Variants in RBFOX1 observed in about 807,000 individuals in gnomAD.
RBFOX1 encodes RNA binding protein fox-1 homolog 1.
Under a neutral mutation model 57.7 loss-of-function variants are expected in RBFOX1, and 8 were observed. That is an observed-to-expected ratio of 0.14 (90% CI 0.08 to 0.25). The LOEUF is 0.25. RBFOX1 is among the 10% of genes least tolerant of loss of function. The pLI is 1.00. For synonymous variants in RBFOX1, 326 were observed against 222.4 expected (o/e 1.47, Z -4.15); for missense variants, 611 against 548.5 (o/e 1.11, Z -1.14).
At chr16:5,881,326 C>T (rs1225454958) in intron 4 of RBFOX1, among the ~76,000 whole-genome samples, 1 of 152,288 alleles carries the variant, frequency 6.6e-6, no homozygotes, top group African/African-American at 2.4e-5. Context: ...GGCATCTCTG[C>T]CCAGTGCCTG....
At chr16:7,084,890 C>CCGTT (rs2059751986) in intron 4 of RBFOX1, among the ~76,000 whole-genome samples, 1 of 152,058 alleles carries the variant, frequency 6.6e-6, no homozygotes, top group African/African-American at 2.4e-5. Flanking sequence ...TATCTTCTAT[C>CCGTT]CGTTTGTCCA....
At chr16:5,424,091 C>T (rs2067438849) in intron 1 of RBFOX1, among the ~76,000 whole-genome samples, 2 of 152,124 alleles carry the variant, frequency 1.3e-5, no homozygotes, top group Non-Finnish European at 2.9e-5. Flanking sequence ...TTTGTTTATC[C>T]CCACTATGTG....
chr16:7,189,556 C>G (rs1056812860), intron 4 of RBFOX1, among the ~76,000 whole-genome samples: 1 of 120,462 alleles, frequency 8.3e-6, no homozygotes, highest in Non-Finnish European at 1.7e-5. Flanking sequence ...TCCCCCAAAA[C>G]ACACACACAC....
Position 6,323,172 on chromosome 16 carries a change from C to A in RBFOX1, c.-64+6115C>A, listed in dbSNP as rs917863190. Among the ~76,000 whole-genome samples, 7 of 152,140 alleles carry A rather than the reference C, an allele frequency of 4.6e-5. No homozygotes were observed. The East Asian group carries it at 1.3e-3, about 29-fold the overall frequency. ...GAGCTAAAAGAAGAAATAACAATTC[C>A]TTCTGCTTCTTTATTGTTAGGACAG... On this transcript the variant is annotated intron_variant, in intron 2 of 15. Coordinates refer to ENST00000550418, the MANE Select transcript of RBFOX1 (RefSeq NM_018723.4).
At chr16:6,926,504 C>A (rs148480170) in intron 3 of RBFOX1, among the ~76,000 whole-genome samples, 4 of 152,026 alleles carry the variant, frequency 2.6e-5, no homozygotes, top group Non-Finnish European at 4.4e-5. Context: ...ACATTTGTAG[C>A]GGTGTTATAG....
At chr16:5,696,676 G>A (rs552571920) in intron 3 of RBFOX1, among the ~76,000 whole-genome samples, 25 of 152,204 alleles carry the variant, frequency 1.6e-4, no homozygotes, top group South Asian at 1.0e-3. Flanking sequence ...TTATAATTTT[G>A]ATATGAATTG....
intron 2 of RBFOX1, among the ~76,000 whole-genome samples, chr16:5,583,686 G>A (rs1159861301): frequency 2.0e-5 from 3 of 152,146 alleles, no homozygotes; most frequent in Non-Finnish European, 4.4e-5. Context: ...AAGTGGGGTC[G>A]ATAAGAGCTA....
At position 7,462,185 on chromosome 16, in the gene RBFOX1, G is replaced by C. The variant is rs1221067930; in HGVS notation, c.28-55962G>C. On this transcript the variant is annotated intron_variant, in intron 4 of 15. Coordinates refer to ENST00000550418, the MANE Select transcript of RBFOX1 (RefSeq NM_018723.4). Reference sequence around the variant, plus strand: ...TCGGAGGGAAACAGCGGGTCACAAAGAGAGTTTTCCATATTTACATGATTG... The same window carrying C: ...TCGGAGGGAAACAGCGGGTCACAAACAGAGTTTTCCATATTTACATGATTG... 2.6e-5 allele frequency among the ~76,000 whole-genome samples: 4 copies of C among 152,322 alleles called. No individual in the cohort carries two copies. The East Asian group carries it at 7.7e-4, about 29-fold the overall frequency.
chr16:6,504,163 A>C (rs1322925620), intron 2 of RBFOX1, among the ~76,000 whole-genome samples: 1 of 152,222 alleles, frequency 6.6e-6, no homozygotes, highest in Non-Finnish European at 1.5e-5. Context: ...CAACCCCTGG[A>C]TAAAGCACCA....
chr16:7,187,742 G>A (rs118081296), intron 4 of RBFOX1, among the ~76,000 whole-genome samples: 1,782 of 127,772 alleles, frequency 0.014, 20 homozygotes, highest in Non-Finnish European at 0.024. Flanking sequence ...GAAAAGAAGC[G>A]CTTTTAAAAT....
At chr16:7,008,096 T>A (rs2093406951) in intron 3 of RBFOX1, among the ~76,000 whole-genome samples, 1 of 152,178 alleles carries the variant, frequency 6.6e-6, no homozygotes, top group South Asian at 2.1e-4. Flanking sequence ...CTACTCCTCT[T>A]GCCCTTTATT....
intron 2 of RBFOX1, among the ~76,000 whole-genome samples, chr16:6,535,522 T>C (rs1379516238): frequency 2.0e-5 from 3 of 152,238 alleles, no homozygotes; most frequent in Admixed American, 6.5e-5. Context: ...TCCATGTGGT[T>C]TGTTCACATG....
intron 3 of RBFOX1, among the ~76,000 whole-genome samples, chr16:6,854,471 T>A (rs2057422151): frequency 6.6e-6 from 1 of 152,116 alleles, no homozygotes. Context: ...CCTTGAGGGC[T>A]GCCAGAAATA....
At chr16:6,216,579 C>T (rs1162670307) in intron 1 of RBFOX1, among the ~76,000 whole-genome samples, 1 of 152,178 alleles carries the variant, frequency 6.6e-6, no homozygotes, top group Admixed American at 6.5e-5. Flanking sequence ...TTCGAGTGAG[C>T]AAAAGCAAAG....
chr16:6,052,593 G>C (rs2095564183), intron 1 of RBFOX1, among the ~76,000 whole-genome samples: 2 of 151,864 alleles, frequency 1.3e-5, no homozygotes, highest in African/African-American at 4.8e-5. Flanking sequence ...CACCATCCTG[G>C]CTAACTTGGT....
At chr16:5,252,359 G>T (rs376643824) in intron 1 of RBFOX1, among the ~76,000 whole-genome samples, 2 of 152,270 alleles carry the variant, frequency 1.3e-5, no homozygotes, top group South Asian at 4.1e-4. Context: ...TGCAATATTT[G>T]GGACCTACTT....
intron 4 of RBFOX1, among the ~76,000 whole-genome samples, chr16:5,962,275 C>T (rs758597563): frequency 3.3e-5 from 5 of 152,188 alleles, no homozygotes; most frequent in African/African-American, 7.2e-5. Flanking sequence ...CAGTATTTCC[C>T]TAAATTGTTT....
intron 5 of RBFOX1, among the ~76,000 whole-genome samples, chr16:7,549,895 C>T (rs2085797347): frequency 1.3e-5 from 2 of 152,068 alleles, no homozygotes; most frequent in African/African-American, 2.4e-5. Flanking sequence ...ATCACGTTGA[C>T]AATATTAACC....
At chr16:5,990,216 G>A (rs903117884) in intron 4 of RBFOX1, among the ~76,000 whole-genome samples, 1 of 152,094 alleles carries the variant, frequency 6.6e-6, no homozygotes, top group African/African-American at 2.4e-5. Flanking sequence ...TGGAACTCCT[G>A]GGCTCTTCAA....
Sources: allele counts gnomAD v4.1 joint callset (sites outside exome capture counted in the v4.1 genomes callset), GRCh38; gene constraint gnomAD v4.1.1; transcripts MANE v1.5; gene names NCBI Gene and HGNC (gene_info 2026-07-23, HGNC 2026-07-21).